The following DPP10 variants were observed in gnomAD, a reference collection of about 807,000 sequenced individuals.
DPP10 encodes dipeptidyl peptidase like 10.
Under a neutral mutation model 120.9 loss-of-function variants are expected in DPP10, and 33 were observed. That is an observed-to-expected ratio of 0.27 (90% CI 0.21 to 0.37). The LOEUF is 0.37. DPP10 is among the 10% of genes least tolerant of loss of function. DPP10 has a pLI of 1.00. For missense variants in DPP10, 816 were observed against 942.8 expected (o/e 0.87, Z 1.76); for synonymous variants, 337 against 326.1 (o/e 1.03, Z -0.36).
chr2:115,145,639 C>G (rs568205167), intron 1 of DPP10, among the ~76,000 whole-genome samples: 1 of 152,194 alleles, frequency 6.6e-6, no homozygotes, highest in African/African-American at 2.4e-5. Flanking sequence ...TGTGGACATA[C>G]GTTTTTAATT....
Position 115,387,429 on chromosome 2 carries a change from T to A in DPP10, c.271+43517T>A, listed in dbSNP as rs920165601. ...TTCTCAGTAGGCATCTGGAAAAAAA[T>A]TAAGATATTGTCCTCATAACCAAAC... On this transcript the variant is annotated intron_variant, in intron 3 of 25. Coordinates refer to ENST00000410059, the MANE Select transcript of DPP10 (RefSeq NM_020868.6). Among the ~76,000 whole-genome samples, 11 of 152,272 alleles carry A rather than the reference T, an allele frequency of 7.2e-5. No individual in the cohort carries two copies. The East Asian group carries it at 2.1e-3, about 29-fold the overall frequency.
intron 3 of DPP10, among the ~76,000 whole-genome samples, chr2:115,401,216 G>A (rs1467365908): frequency 6.6e-6 from 1 of 152,186 alleles, no homozygotes; most frequent in Non-Finnish European, 1.5e-5. Flanking sequence ...TAAATGTGAA[G>A]TGGGTAGACA....
intron 3 of DPP10, among the ~76,000 whole-genome samples, chr2:115,456,717 A>G (rs1190607778): frequency 6.6e-6 from 1 of 152,156 alleles, no homozygotes; most frequent in Admixed American, 6.5e-5. Context: ...AGAACAGAAA[A>G]CCAAACACCA....
intron 1 of DPP10, among the ~76,000 whole-genome samples, chr2:115,042,008 CTTTTTTTTTT>C (rs5833573): frequency 2.5e-5 from 2 of 80,336 alleles, no homozygotes; most frequent in Non-Finnish European, 2.4e-5. Flanking sequence ...TCTATCTTAT[CTTTTTTTTTT>C]TTTTTTTTTT....
chr2:115,773,709 T>C (rs954922818), intron 13 of DPP10, among the ~76,000 whole-genome samples: 1 of 152,112 alleles, frequency 6.6e-6, no homozygotes, highest in African/African-American at 2.4e-5. Flanking sequence ...GTGATTGCAT[T>C]TCTGCTGAAG....
At chr2:115,522,503 C>T (rs1265371701) in intron 4 of DPP10, among the ~76,000 whole-genome samples, 4 of 152,178 alleles carry the variant, frequency 2.6e-5, no homozygotes, top group African/African-American at 9.7e-5. Context: ...ACCAAATGTT[C>T]CCAAGCTGCC....
chr2:115,461,394 T>C (rs1360061266), intron 3 of DPP10, among the ~76,000 whole-genome samples: 1 of 152,154 alleles, frequency 6.6e-6, no homozygotes, highest in African/African-American at 2.4e-5. Flanking sequence ...TAAGTTGATG[T>C]TGGTCAAAAG....
At chr2:115,535,061 T>C (rs557534180) in intron 5 of DPP10, among the ~76,000 whole-genome samples, 316 of 150,692 alleles carry the variant, frequency 2.1e-3, no homozygotes, top group Non-Finnish European at 3.6e-3. Flanking sequence ...ATTTTGTAGG[T>C]TGCCTGTTCA....
At chr2:115,301,824 C>G (rs1233875399) in intron 1 of DPP10, among the ~76,000 whole-genome samples, 1 of 151,988 alleles carries the variant, frequency 6.6e-6, no homozygotes, top group Non-Finnish European at 1.5e-5. Context: ...TCTTAGACCT[C>G]TAAATCGTGA....
intron 1 of DPP10, among the ~76,000 whole-genome samples, chr2:114,797,891 G>T (rs1336266000): frequency 6.6e-6 from 1 of 152,126 alleles, no homozygotes; most frequent in Non-Finnish European, 1.5e-5. Context: ...TATTTTTATC[G>T]TGGAGAAACT....
At chr2:115,130,484 GCATCCATCCATCCATCTATCCATC>G (rs1559128571) in intron 1 of DPP10, among the ~76,000 whole-genome samples, 2 of 137,126 alleles carry the variant, frequency 1.5e-5, no homozygotes, top group Non-Finnish European at 3.2e-5. Flanking sequence ...ATCCATCCAT[GCATCCATCCATCCATCTATCCATC>G]CATCCATCCA....
intron 5 of DPP10, among the ~76,000 whole-genome samples, chr2:115,644,332 G>T (rs1223274880): frequency 6.6e-6 from 1 of 152,030 alleles, no homozygotes; most frequent in Non-Finnish European, 1.5e-5. Context: ...TCCGCAACAG[G>T]CCCCGGTGTG....
chr2:115,290,295 C>T lies in DPP10; in HGVS notation c.61-18944C>T, dbSNP rs1455335825. On this transcript the variant is annotated intron_variant, in intron 1 of 25. Coordinates refer to ENST00000410059, the MANE Select transcript of DPP10 (RefSeq NM_020868.6). ...GTGTACTGAGGTCTTGAAATGCATC[C>T]AAAATTATAAGTTAGCTTTCAATGT... Among the ~76,000 whole-genome samples the T allele has an allele frequency of 4.6e-5, 7 of 151,914 alleles. No homozygotes were observed. The East Asian group carries it at 1.4e-3, about 29-fold the overall frequency.
intron 1 of DPP10, among the ~76,000 whole-genome samples, chr2:114,642,897 T>A (rs1025063497): frequency 6.6e-6 from 1 of 151,918 alleles, no homozygotes; most frequent in Non-Finnish European, 1.5e-5. Flanking sequence ...AATCACAACA[T>A]CCTAATCATG....
At chr2:115,729,379 G>A (rs888664074) in intron 8 of DPP10, among the ~76,000 whole-genome samples, 3 of 152,172 alleles carry the variant, frequency 2.0e-5, no homozygotes, top group Non-Finnish European at 2.9e-5. Flanking sequence ...TGTTAATGCA[G>A]TGTGGTAAGT....
chr2:114,461,347 A>G (rs940818971), intron 1 of DPP10, among the ~76,000 whole-genome samples: 2 of 152,168 alleles, frequency 1.3e-5, no homozygotes, highest in Non-Finnish European at 2.9e-5. Context: ...CTTTTGAGCC[A>G]TCTTTGTTGC....
chr2:114,582,576 G>A (rs1690624069), intron 1 of DPP10, among the ~76,000 whole-genome samples: 1 of 152,202 alleles, frequency 6.6e-6, no homozygotes, highest in Non-Finnish European at 1.5e-5. Context: ...AATAACTCCT[G>A]TTGTTCAACA....
At chr2:115,043,157 G>A (rs1396926) in intron 1 of DPP10, among the ~76,000 whole-genome samples, 147,240 of 152,204 alleles carry the variant, frequency 0.97, 71,424 homozygotes, top group Middle Eastern at 1. Flanking sequence ...TAGAGCCTCT[G>A]ACTGATACTT....
chr2:115,416,830 C>G (rs1251322569), intron 3 of DPP10, among the ~76,000 whole-genome samples: 1 of 152,006 alleles, frequency 6.6e-6, no homozygotes, highest in Non-Finnish European at 1.5e-5. Flanking sequence ...AGGCTGCGTT[C>G]CAGTTTCAAA....
Sources: gnomAD v4.1 joint callset for allele counts (sites outside exome capture counted in the v4.1 genomes callset) on GRCh38, gnomAD v4.1.1 for gene constraint, MANE v1.5 for transcripts, NCBI Gene and HGNC (gene_info 2026-07-23, HGNC 2026-07-21) for gene names.